ADGRL3: variants seen among roughly 807,000 people sequenced by gnomAD.
ADGRL3 encodes adhesion G protein-coupled receptor L3, also known as calcium-independent alpha-latrotoxin receptor 3.
ADGRL3 carries 62 observed loss-of-function variants against 153.5 expected under a neutral mutation model. The ratio of observed to expected loss-of-function variants is 0.40; its 90% confidence interval spans 0.33 to 0.50. The LOEUF is 0.50. Among genes scored for constraint, ADGRL3 ranks in the 20% least tolerant of loss-of-function variants. ADGRL3 has a pLI of 0.47. For synonymous variants in ADGRL3, 710 were observed against 672.5 expected (o/e 1.06, Z -0.86); for missense variants, 1,641 against 1,859.4 (o/e 0.88, Z 2.16).
intron 9 of ADGRL3, among the ~76,000 whole-genome samples, chr4:61,841,850 T>C (rs1236092915): frequency 6.6e-6 from 1 of 152,220 alleles, no homozygotes; most frequent in Non-Finnish European, 1.5e-5. Context: ...ATTGTTATTA[T>C]AATACATACT....
At chr4:61,798,881 G>T (rs2097448492) in intron 8 of ADGRL3, among the ~76,000 whole-genome samples, 1 of 150,914 alleles carries the variant, frequency 6.6e-6, no homozygotes, top group Non-Finnish European at 1.5e-5. Context: ...CTCCCAAAGT[G>T]CTGGGATCAT....
At chr4:61,958,949 C>G (rs1336387439) in intron 17 of ADGRL3, among the ~76,000 whole-genome samples, 1 of 152,120 alleles carries the variant, frequency 6.6e-6, no homozygotes, top group Non-Finnish European at 1.5e-5. Flanking sequence ...TACTGAATTC[C>G]CCCTGCTTCT....
intron 18 of ADGRL3, among the ~76,000 whole-genome samples, 158 bp from the exon 19 acceptor site, chr4:61,983,225 A>G (rs1374226434): frequency 2.6e-5 from 4 of 152,160 alleles, no homozygotes; most frequent in Non-Finnish European, 4.4e-5. Context: ...ATTTAAGTAT[A>G]TTAGTTTTAA....
At chr4:61,755,860 C>T (rs1425466588) in intron 8 of ADGRL3, among the ~76,000 whole-genome samples, 3 of 152,090 alleles carry the variant, frequency 2.0e-5, no homozygotes, top group Non-Finnish European at 4.4e-5. Context: ...TTCCCAGCAC[C>T]ATTTATTAAA....
At chr4:61,243,628 T>C (rs1410711927) in intron 1 of ADGRL3, among the ~76,000 whole-genome samples, 2 of 152,028 alleles carry the variant, frequency 1.3e-5, no homozygotes, top group South Asian at 4.1e-4. Flanking sequence ...TAAGGCCTTT[T>C]TGGTTCTAAT....
At chr4:61,765,619 A>T (rs937040401) in intron 8 of ADGRL3, among the ~76,000 whole-genome samples, 4 of 152,112 alleles carry the variant, frequency 2.6e-5, no homozygotes, top group African/African-American at 9.7e-5. Context: ...TGGGAAGGCT[A>T]AACTGAGGAA....
chr4:61,467,915 A>G (rs1391645753), intron 2 of ADGRL3, among the ~76,000 whole-genome samples: 1 of 152,164 alleles, frequency 6.6e-6, no homozygotes, highest in Non-Finnish European at 1.5e-5. Context: ...ATTTGGCATT[A>G]AGTAATTTAA....
chr4:61,471,558 G>C (rs1350171264), intron 2 of ADGRL3, among the ~76,000 whole-genome samples: 3 of 151,600 alleles, frequency 2.0e-5, no homozygotes, highest in African/African-American at 7.3e-5. Flanking sequence ...TTTGAAAAAG[G>C]CTACAGAAGT....
chr4:61,529,621 G>A (rs1041563930), intron 4 of ADGRL3, among the ~76,000 whole-genome samples: 2 of 152,002 alleles, frequency 1.3e-5, no homozygotes, highest in African/African-American at 4.8e-5. Flanking sequence ...TAAAGCTCTT[G>A]CTAAATTTGA....
At chr4:61,532,895 CTG>C (rs1281425607) in intron 4 of ADGRL3, among the ~76,000 whole-genome samples, 4 of 152,008 alleles carry the variant, frequency 2.6e-5, no homozygotes, top group African/African-American at 9.6e-5. Context: ...ATTAGAGAAA[CTG>C]TAGTGAAGTA....
At chr4:61,412,709 T>C (rs1054894736) in intron 2 of ADGRL3, among the ~76,000 whole-genome samples, 6 of 152,210 alleles carry the variant, frequency 3.9e-5, no homozygotes, top group Non-Finnish European at 1.5e-5. Flanking sequence ...TCCATTTGGC[T>C]CTAGAGCCCA....
At chr4:61,766,675 T>A (rs958902834) in intron 8 of ADGRL3, among the ~76,000 whole-genome samples, 6 of 151,736 alleles carry the variant, frequency 4.0e-5, no homozygotes, top group Admixed American at 3.3e-4. Context: ...TTTGCGGCAG[T>A]ACAGCCTAGG....
rs145385834 is a variant in ADGRL3 at position 61,351,421 on chromosome 4, GCT to G, written c.-239-31702_-239-31701del. ...CTAGCTAAGATCATTGATGAAGGTG[GCT>G]ACACAAAACAAAAGATTTTCAATGT... On this transcript the variant is annotated intron_variant, in intron 1 of 26. Coordinates refer to ENST00000683033, the MANE Select transcript of ADGRL3 (RefSeq NM_001387552.1). 3.9e-3 allele frequency among the ~76,000 whole-genome samples: 588 copies of G among 152,312 alleles called. 8 individuals are homozygous for G. The highest frequency in any genetic ancestry group is 0.014 in the African/African-American group (563 of 41,568).
chr4:61,675,025 G>C (rs1488793032), intron 5 of ADGRL3, among the ~76,000 whole-genome samples: 1 of 151,972 alleles, frequency 6.6e-6, no homozygotes, highest in African/African-American at 2.4e-5. Context: ...ATTGCCTGAT[G>C]AGTATGGAGT....
intron 1 of ADGRL3, among the ~76,000 whole-genome samples, chr4:61,355,983 A>G (rs1243892002): frequency 6.6e-6 from 1 of 152,026 alleles, no homozygotes. Context: ...TTTATAATGT[A>G]TTTGATCCAT....
At chr4:61,367,640 T>C (rs1364911819) in intron 1 of ADGRL3, among the ~76,000 whole-genome samples, 3 of 147,808 alleles carry the variant, frequency 2.0e-5, no homozygotes, top group African/African-American at 5.0e-5. Flanking sequence ...TCTATCATTG[T>C]TGGACATTTG....
intron 2 of ADGRL3, among the ~76,000 whole-genome samples, chr4:61,463,780 G>C (rs1035670513): frequency 1.3e-5 from 2 of 152,142 alleles, no homozygotes; most frequent in Non-Finnish European, 2.9e-5. Context: ...GAGTTATTAT[G>C]AGGACGGGGT....
intron 10 of ADGRL3, among the ~76,000 whole-genome samples, chr4:61,894,139 A>G (rs1353594505): frequency 1.3e-5 from 2 of 152,152 alleles, no homozygotes; most frequent in African/African-American, 4.8e-5. Context: ...TCATAAATGA[A>G]TACTTGGCAC....
intron 21 of ADGRL3, among the ~76,000 whole-genome samples, chr4:62,008,558 C>T (rs1243770005): frequency 5.9e-5 from 9 of 151,858 alleles, no homozygotes; most frequent in African/African-American, 1.9e-4. Context: ...TGTTGAAAAA[C>T]GTTTATCTAC....
Sources: allele counts gnomAD v4.1 joint callset (sites outside exome capture counted in the v4.1 genomes callset), GRCh38; gene constraint gnomAD v4.1.1; transcripts MANE v1.5; gene names NCBI Gene and HGNC (gene_info 2026-07-23, HGNC 2026-07-21).